RYR3: variants seen among roughly 807,000 people sequenced by gnomAD.
The protein encoded by RYR3 is ryanodine receptor 3.
Under a neutral mutation model 584.3 loss-of-function variants are expected in RYR3, and 207 were observed. The ratio of observed to expected loss-of-function variants is 0.35; its 90% CI spans 0.32 to 0.40. The LOEUF (loss-of-function observed/expected upper bound fraction) is 0.40, where lower values mean the gene tolerates loss of function less well. Ranked by LOEUF, RYR3 falls within the 10% of genes least tolerant of loss-of-function variation. The probability of loss-of-function intolerance (pLI) is 1.00; values close to 1 mark genes in which losing one functional copy is unlikely to be tolerated. For synonymous variants in RYR3, 2,416 were observed against 2,248.5 expected, an observed-to-expected ratio of 1.07 and a Z score of -2.11; for missense variants, 5,616 against 6,089.2, an observed-to-expected ratio of 0.92 and a Z score of 2.59.
At chr15:33,652,443 T>A (rs879845041) in intron 31 of RYR3, among the ~76,000 whole-genome samples, 1 of 152,236 alleles carries the variant, frequency 6.6e-6, no homozygotes, top group Non-Finnish European at 1.5e-5. Context: ...AAAGGTGTGT[T>A]GACATTGAGT....
chr15:33,458,096 G>A (rs1004414284), intron 1 of RYR3, among the ~76,000 whole-genome samples: 1 of 151,838 alleles, frequency 6.6e-6, no homozygotes, highest in Non-Finnish European at 1.5e-5. Context: ...CCAGATAGCT[G>A]GTAAAACATT....
intron 38 of RYR3, among the ~76,000 whole-genome samples, chr15:33,681,126 A>G (rs2064576691): frequency 6.6e-6 from 1 of 152,208 alleles, no homozygotes; most frequent in African/African-American, 2.4e-5. Flanking sequence ...TCAACAATAC[A>G]TAGAAGACTG....
At chr15:33,509,373 C>G (rs538719890) in intron 3 of RYR3, among the ~76,000 whole-genome samples, 1 of 152,112 alleles carries the variant, frequency 6.6e-6, no homozygotes, top group Non-Finnish European at 1.5e-5. Context: ...AAAGGGGAAC[C>G]ACCACCATCC....
At chr15:33,860,496 C>CT (rs57641933) in intron 100 of RYR3, 99 bp from the exon 101 acceptor site, 70,140 of 529,946 alleles carry the variant, frequency 0.13, 1,173 homozygotes, top group East Asian at 0.34. Context: ...TGATAATTCA[C>CT]TTTTTTTTTT....
At chr15:33,737,921 T>A (rs368215839) in intron 49 of RYR3, among the ~76,000 whole-genome samples, 48 of 152,006 alleles carry the variant, frequency 3.2e-4, no homozygotes, top group Middle Eastern at 6.8e-3. Context: ...GTAAAGTCAC[T>A]GGGGTGTGAG....
intron 32 of RYR3, among the ~76,000 whole-genome samples, chr15:33,656,451 GA>G (rs2062828129): frequency 1.3e-5 from 2 of 152,040 alleles, no homozygotes; most frequent in Non-Finnish European, 2.9e-5. Context: ...TGTGTTGCCA[GA>G]CTGACCCACG....
At chr15:33,741,197 C>T (rs2070057951) in intron 51 of RYR3, among the ~76,000 whole-genome samples, 1 of 152,204 alleles carries the variant, frequency 6.6e-6, no homozygotes, top group Admixed American at 6.5e-5. Flanking sequence ...GGAATGGAGA[C>T]TAACCCTGGC....
At chr15:33,803,168 T>C (rs939244584) in intron 69 of RYR3, among the ~76,000 whole-genome samples, 2 of 152,274 alleles carry the variant, frequency 1.3e-5, no homozygotes, top group Non-Finnish European at 2.9e-5. Flanking sequence ...GAGTTTATAG[T>C]ATACTCTAAG....
At chr15:33,328,302 G>A (rs1006073086) in intron 1 of RYR3, among the ~76,000 whole-genome samples, 8 of 152,118 alleles carry the variant, frequency 5.3e-5, no homozygotes, top group Non-Finnish European at 1.2e-4. Context: ...TGCCCACACC[G>A]TCCTTATCTT....
chr15:33,818,748 T>A (rs2152955436), intron 76 of RYR3, 64 bp downstream of exon 76: 1 of 1,185,268 alleles, frequency 8.4e-7, no homozygotes, highest in Admixed American at 1.9e-5. Flanking sequence ...ACTCCTGACC[T>A]TCTTCTCTCA....
rs546088843 is a variant in RYR3 at position 33,722,003 on chromosome 15, A to G, written c.6620-712A>G. Among the ~76,000 whole-genome samples the G allele has an allele frequency of 7.9e-5, 12 of 152,336 alleles. No homozygotes were observed. The East Asian group carries it at 1.7e-3, about 22-fold the overall frequency. On this transcript the variant is annotated intron_variant, in intron 43 of 103. Transcript: ENST00000634891. The stretch of plus-strand genomic sequence containing the variant: ...GTTTAGGAATAACCAATAAAACTTT[A>G]CCAAGGAGATTCTTCATCTGGATAC...
intron 18 of RYR3, among the ~76,000 whole-genome samples, chr15:33,611,417 G>C (rs1239059650): frequency 6.6e-6 from 1 of 151,822 alleles, no homozygotes; most frequent in Non-Finnish European, 1.5e-5. Flanking sequence ...TTAGGCGGGC[G>C]TGGTGGCGGG....
At chr15:33,603,991 C>T (rs1040297425) in intron 18 of RYR3, among the ~76,000 whole-genome samples, 4 of 152,152 alleles carry the variant, frequency 2.6e-5, no homozygotes, top group Admixed American at 6.5e-5. Context: ...GTCCATGGCC[C>T]GTGCCTGTGG....
intron 31 of RYR3, among the ~76,000 whole-genome samples, chr15:33,652,200 GA>G: frequency 6.6e-6 from 1 of 152,264 alleles, no homozygotes; most frequent in South Asian, 2.1e-4. Flanking sequence ...AGGTGTCAGA[GA>G]AAAACTACTT....
At chr15:33,601,703 A>G (rs1365653662) in intron 17 of RYR3, among the ~76,000 whole-genome samples, 151 bp downstream of exon 17, 2 of 152,170 alleles carry the variant, frequency 1.3e-5, no homozygotes, top group Non-Finnish European at 2.9e-5. Context: ...GCAAATGTGC[A>G]TTTCCTATGA....
At chr15:33,859,785 C>T in intron 100 of RYR3, 54 bp downstream of exon 100, 2 of 1,524,822 alleles carry the variant, frequency 1.3e-6, no homozygotes, top group Non-Finnish European at 1.8e-6. Flanking sequence ...GTTCTTTTTG[C>T]TTTCTTCCAT....
At chr15:33,622,659 A>G (rs769520464) in intron 19 of RYR3, among the ~76,000 whole-genome samples, 6 of 152,176 alleles carry the variant, frequency 3.9e-5, no homozygotes, top group Non-Finnish European at 7.3e-5. Flanking sequence ...GGAGAAGGGC[A>G]GGGGAATGAA....
chr15:33,824,141 G>A (rs1182059576), intron 81 of RYR3, among the ~76,000 whole-genome samples: 1 of 151,934 alleles, frequency 6.6e-6, no homozygotes, highest in African/African-American at 2.4e-5. Context: ...AAAAATCAAG[G>A]CAACTCAATT....
chr15:33,435,917 T>A (rs1163914661), intron 1 of RYR3, among the ~76,000 whole-genome samples: 1 of 152,222 alleles, frequency 6.6e-6, no homozygotes, highest in Non-Finnish European at 1.5e-5. Flanking sequence ...TATTCCCTTA[T>A]TTGACCCTGC....
Sources: allele counts gnomAD v4.1 joint callset (sites outside exome capture counted in the v4.1 genomes callset), GRCh38; gene constraint gnomAD v4.1.1; transcripts MANE v1.5; gene names NCBI Gene and HGNC (gene_info 2026-07-23, HGNC 2026-07-21).